The following SSH2 variants were observed in gnomAD, a reference collection of about 807,000 sequenced individuals.
SSH2 encodes slingshot protein phosphatase 2.
A neutral mutation model predicts 135.2 loss-of-function variants in SSH2; 37 were observed. The observed-to-expected ratio is 0.27, with a 90% confidence interval of 0.21 to 0.36. The LOEUF is 0.36. SSH2 is among the 10% of genes least tolerant of loss of function. The pLI, the probability that SSH2 is intolerant of heterozygous loss-of-function variation, is 1.00. For missense variants in SSH2, 1,408 were observed against 1,765.3 expected, an observed-to-expected ratio of 0.80 and a Z score of 3.63; for synonymous variants, 628 against 646.2, an observed-to-expected ratio of 0.97 and a Z score of 0.43.
chr17:29,683,438 C>T (rs573535030), intron 6 of SSH2, among the ~76,000 whole-genome samples: 10 of 152,210 alleles, frequency 6.6e-5, no homozygotes, highest in East Asian at 5.8e-4. Flanking sequence ...GGAGCCATCC[C>T]GTACCACCCC....
intron 5 of SSH2, among the ~76,000 whole-genome samples, chr17:29,686,886 G>C (rs1181501887): frequency 4.6e-5 from 7 of 152,170 alleles, no homozygotes; most frequent in Non-Finnish European, 2.9e-5. Flanking sequence ...CAGATGGCCA[G>C]GCTGGTCTCG....
intron 11 of SSH2, among the ~76,000 whole-genome samples, chr17:29,663,912 A>T (rs1216176167): frequency 6.6e-6 from 1 of 152,202 alleles, no homozygotes; most frequent in African/African-American, 2.4e-5. Context: ...CTGGTGGAGG[A>T]TGTTGACAAT....
Position 29,655,551 on chromosome 17 carries a change from G to A in SSH2, c.1079+10C>T. 6.2e-7 allele frequency: 1 copy of A among 1,613,874 alleles called. No individual in the cohort carries two copies. Among genetic ancestry groups the A allele is most frequent in the South Asian group, 1.1e-5 (1 of 91,074 alleles). ...ACACAGGGGTGCCAGCTATTGCTTT[G>A]TGTGCTTACCCTCGGTTCTGTAAGT... On this transcript the variant is annotated intron_variant, in intron 12 of 15. Transcript: ENST00000540801.
intron 5 of SSH2, among the ~76,000 whole-genome samples, chr17:29,684,998 C>G (rs977805739): frequency 1.3e-5 from 2 of 152,152 alleles, no homozygotes; most frequent in African/African-American, 4.8e-5. Flanking sequence ...GCAATTTATA[C>G]TAATTACCAC....
At chr17:29,915,533 G>A (rs2066865755) in intron 1 of SSH2, among the ~76,000 whole-genome samples, 1 of 152,084 alleles carries the variant, frequency 6.6e-6, no homozygotes, top group South Asian at 2.1e-4. Context: ...TTCATTCTAT[G>A]ATTTGACTAT....
chr17:29,727,527 T>A (rs2151180643), intron 3 of SSH2, among the ~76,000 whole-genome samples: 1 of 152,276 alleles, frequency 6.6e-6, no homozygotes, highest in East Asian at 1.9e-4. Flanking sequence ...ATAATTTACG[T>A]TAAAGATGAA....
At chr17:29,885,847 T>G (rs1237337429) in intron 1 of SSH2, among the ~76,000 whole-genome samples, 3 of 152,198 alleles carry the variant, frequency 2.0e-5, no homozygotes, top group African/African-American at 7.2e-5. Context: ...CCATGTAAGA[T>G]GTCCTTTTGC....
chr17:29,753,596 A>G (rs2041017971), intron 3 of SSH2, among the ~76,000 whole-genome samples: 1 of 150,206 alleles, frequency 6.7e-6, no homozygotes, highest in Non-Finnish European at 1.5e-5. Flanking sequence ...GGGGTTCGAG[A>G]CCAGCCTGAC....
At chr17:29,809,755 G>A (rs1013856455) in intron 2 of SSH2, among the ~76,000 whole-genome samples, 3 of 151,864 alleles carry the variant, frequency 2.0e-5, no homozygotes, top group Admixed American at 6.6e-5. Context: ...ACAGGGTCTC[G>A]CTTGGTTGAC....
chr17:29,731,670 G>A (rs1363978768), intron 3 of SSH2, among the ~76,000 whole-genome samples: 1 of 151,994 alleles, frequency 6.6e-6, no homozygotes, highest in African/African-American at 2.4e-5. Context: ...TGGCCAGGAT[G>A]GTCTCGAATT....
chr17:29,919,760 G>GTT (rs200295358), intron 1 of SSH2, among the ~76,000 whole-genome samples: 1 of 96,466 alleles, frequency 1.0e-5, no homozygotes, highest in Non-Finnish European at 2.1e-5. Flanking sequence ...ACAGCTAGGT[G>GTT]TTTTTTTTTT....
At chr17:29,884,448 G>A (rs1226512971) in intron 1 of SSH2, among the ~76,000 whole-genome samples, 2 of 152,080 alleles carry the variant, frequency 1.3e-5, no homozygotes, top group Non-Finnish European at 2.9e-5. Context: ...CTATCTCCAT[G>A]GGCATTCCTT....
At chr17:29,712,737 G>A (rs3115093) in intron 3 of SSH2, among the ~76,000 whole-genome samples, 81,704 of 151,990 alleles carry the variant, frequency 0.54, 22,266 homozygotes, top group East Asian at 0.69. Flanking sequence ...CCGGGAGGTG[G>A]AATTTGCACT....
At chr17:29,889,852 C>T (rs1398124597) in intron 1 of SSH2, among the ~76,000 whole-genome samples, 1 of 145,630 alleles carries the variant, frequency 6.9e-6, no homozygotes, top group African/African-American at 2.6e-5. Context: ...AGATCAGACA[C>T]CAAGACTGGG....
intron 9 of SSH2, among the ~76,000 whole-genome samples, chr17:29,670,679 C>G (rs1427263811): frequency 1.3e-5 from 2 of 152,162 alleles, no homozygotes; most frequent in African/African-American, 4.8e-5. Flanking sequence ...GAGGCTGAGG[C>G]AGGAGAATTG....
intron 1 of SSH2, among the ~76,000 whole-genome samples, chr17:29,888,251 C>G (rs1014824322): frequency 6.6e-6 from 1 of 152,002 alleles, no homozygotes; most frequent in Admixed American, 6.6e-5. Context: ...CACCCTACCC[C>G]CAGAAAGAAA....
intron 5 of SSH2, 119 bp from the exon 6 acceptor site, chr17:29,684,803 A>T (rs922484300): frequency 1.9e-5 from 16 of 863,682 alleles, no homozygotes; most frequent in African/African-American, 1.2e-4. Context: ...GCCAGTAGTT[A>T]GGAGACATAA....
chr17:29,656,718 T>C lies in SSH2; in HGVS notation c.1033-1111A>G, dbSNP rs1312364114. On this transcript the variant is annotated intron_variant, in intron 11 of 15. Coordinates refer to ENST00000540801, the MANE Select transcript of SSH2 (RefSeq NM_001282129.2). The stretch of plus-strand genomic sequence containing the variant: ...TTCTTTCCTTCTTTCCCTTTTCTTT[T>C]AGTACATATCATACTTTTTCCCCCT... Among the ~76,000 whole-genome samples, 4 of 152,308 alleles carry C rather than the reference T, an allele frequency of 2.6e-5. No homozygotes were observed. In the East Asian group the frequency reaches 7.7e-4, roughly 29 times the overall value.
intron 4 of SSH2, among the ~76,000 whole-genome samples, chr17:29,698,032 T>C (rs1036560353): frequency 1.3e-5 from 2 of 152,356 alleles, no homozygotes; most frequent in Non-Finnish European, 2.9e-5. Context: ...GATGTACTGA[T>C]ACATACTATA....
Sources: allele counts gnomAD v4.1 joint callset (sites outside exome capture counted in the v4.1 genomes callset), GRCh38; gene constraint gnomAD v4.1.1; transcripts MANE v1.5; gene names NCBI Gene and HGNC (gene_info 2026-07-23, HGNC 2026-07-21).